RBFOX3: variants seen among roughly 807,000 people sequenced by gnomAD.
The protein encoded by RBFOX3 is RNA binding fox-1 homolog 3.
RBFOX3 carries 17 observed loss-of-function variants against 48.7 expected under a neutral mutation model. That is an observed-to-expected ratio of 0.35 (90% CI 0.24 to 0.52). The LOEUF (loss-of-function observed/expected upper bound fraction) is 0.52, where lower values mean the gene tolerates loss of function less well. Ranked by LOEUF, RBFOX3 falls within the 20% of genes least tolerant of loss-of-function variation. The pLI is 0.94. For synonymous variants in RBFOX3, 212 were observed against 209.5 expected, an observed-to-expected ratio of 1.01 and a Z score of -0.10; for missense variants, 382 against 497.5, an observed-to-expected ratio of 0.77 and a Z score of 2.21.
At position 79,289,595 on chromosome 17, in the gene RBFOX3, G is replaced by T. The variant is rs9898469; in HGVS notation, c.-74+18129C>A. Among the ~76,000 whole-genome samples, 433 of 152,236 alleles carry T rather than the reference G, an allele frequency of 2.8e-3. 2 individuals carry two copies. The highest frequency in any genetic ancestry group is 1.0e-2 in the African/African-American group (414 of 41,548). On this transcript the variant is annotated intron_variant, in intron 3 of 14. Coordinates refer to ENST00000693108, the MANE Select transcript of RBFOX3 (RefSeq NM_001350451.2). ...CAGGGACTGTGCTTTTTCCAGACAC[G>T]ATGTTAACTCTCTGGTCCTACTTCC... is the stretch of plus-strand genomic sequence containing the variant.
intron 1 of RBFOX3, among the ~76,000 whole-genome samples, chr17:79,567,148 G>A (rs1049955158): frequency 1.3e-5 from 2 of 149,102 alleles, no homozygotes; most frequent in African/African-American, 2.5e-5. Context: ...GTATGAGTGA[G>A]AACATGTGCT....
At chr17:79,270,170 C>T (rs901941972) in intron 3 of RBFOX3, among the ~76,000 whole-genome samples, 1 of 152,184 alleles carries the variant, frequency 6.6e-6, no homozygotes, top group Non-Finnish European at 1.5e-5. Context: ...ATGTCAGTTT[C>T]CATGGAGGAG....
At chr17:79,583,000 C>A (rs1223167858) in intron 1 of RBFOX3, among the ~76,000 whole-genome samples, 4 of 152,100 alleles carry the variant, frequency 2.6e-5, no homozygotes, top group Non-Finnish European at 5.9e-5. Flanking sequence ...ACAGATGTGC[C>A]ACATCATAGG....
intron 3 of RBFOX3, among the ~76,000 whole-genome samples, chr17:79,275,232 T>C (rs951699238): frequency 2.0e-5 from 3 of 148,514 alleles, no homozygotes; most frequent in African/African-American, 7.4e-5. Flanking sequence ...CTCACTAAAA[T>C]TTCCTCCCAG....
intron 5 of RBFOX3, among the ~76,000 whole-genome samples, chr17:79,108,920 C>T (rs977886579): frequency 1.1e-4 from 16 of 152,238 alleles, no homozygotes; most frequent in African/African-American, 3.1e-4. Flanking sequence ...GTGGAGCACA[C>T]GTGTCCACGT....
In RBFOX3 at chr17:79,227,472, G is replaced by C. The variant is rs568210811; in HGVS notation, c.-34+8294C>G. 2.0e-5 allele frequency among the ~76,000 whole-genome samples: 3 copies of C among 152,274 alleles called. No individual in the cohort carries two copies. The East Asian group carries it at 5.8e-4, about 29-fold the overall frequency. ...CAGGGGCTTTGTTTGGCTCCTTGTT[G>C]CATCTCAAGCATGTCATTTGTGCTC... is the stretch of plus-strand genomic sequence containing the variant. On this transcript the variant is annotated intron_variant, in intron 4 of 14. Coordinates refer to ENST00000693108, the MANE Select transcript of RBFOX3 (RefSeq NM_001350451.2).
intron 1 of RBFOX3, among the ~76,000 whole-genome samples, chr17:79,523,145 GT>G (rs2086349599): frequency 6.6e-6 from 1 of 151,782 alleles, no homozygotes; most frequent in Non-Finnish European, 1.5e-5. Flanking sequence ...GGGGCGGGTG[GT>G]TTGGGAGAAT....
intron 4 of RBFOX3, among the ~76,000 whole-genome samples, chr17:79,196,914 G>A (rs959510168): frequency 7.9e-5 from 12 of 152,170 alleles, no homozygotes; most frequent in Admixed American, 5.2e-4. Flanking sequence ...GGGGTGTGCC[G>A]TGGAAGTGTA....
At chr17:79,370,702 T>C (rs2058421998) in intron 2 of RBFOX3, among the ~76,000 whole-genome samples, 1 of 152,046 alleles carries the variant, frequency 6.6e-6, no homozygotes, top group Non-Finnish European at 1.5e-5. Context: ...CACCCTGAAA[T>C]GCACGGTCAC....
At chr17:79,161,345 C>T (rs1055772812) in intron 4 of RBFOX3, among the ~76,000 whole-genome samples, 7 of 152,172 alleles carry the variant, frequency 4.6e-5, no homozygotes, top group Non-Finnish European at 8.8e-5. Context: ...CCTCTGCTGC[C>T]AATGAACCCT....
chr17:79,480,927 C>T lies in RBFOX3; in HGVS notation c.-175+1527G>A, dbSNP rs2149479984. The stretch of plus-strand genomic sequence containing the variant: ...GAACTTGACCTTGTCTCCACTGCGT[C>T]TCCAGCACCCCAAACAGGGCTCAGC... On this transcript the variant is annotated intron_variant, in intron 2 of 14. Transcript: ENST00000693108. The surrounding 1 kb of genome is among the most constrained non-coding windows in gnomAD (Gnocchi z 4.8). Among the ~76,000 whole-genome samples, 1 of 152,326 alleles carries T rather than the reference C, an allele frequency of 6.6e-6. No homozygotes were observed. The highest frequency in any genetic ancestry group is 3.4e-3 in the Middle Eastern group (1 of 294).
chr17:79,230,151 G>A (rs1205129040), intron 4 of RBFOX3, among the ~76,000 whole-genome samples: 1 of 152,182 alleles, frequency 6.6e-6, no homozygotes, highest in African/African-American at 2.4e-5. Context: ...AGGCTGGTTG[G>A]GTTGCCGTCG....
At chr17:79,355,584 C>T (rs990044332) in intron 2 of RBFOX3, among the ~76,000 whole-genome samples, 2 of 146,824 alleles carry the variant, frequency 1.4e-5, no homozygotes, top group Non-Finnish European at 3.0e-5. Context: ...GAATTAATTG[C>T]TTTTTTTTTT....
chr17:79,649,600 G>A, the RBFOX3 span, among the ~76,000 whole-genome samples: 1 of 152,222 alleles, frequency 6.6e-6, no homozygotes, highest in Non-Finnish European at 1.5e-5. Context: ...CAGCTACTGG[G>A]GAGGCTGACG....
In RBFOX3 at chr17:79,103,115, G is replaced by A. The variant is rs751900853; in HGVS notation, c.507+47C>T. ...GTTGGTTGGGGGAGCTGGGGGGCAG[G>A]TGGGCGATCTTGGGGCATCCCTGCC... On this transcript the variant is annotated intron_variant, in intron 8 of 14. Transcript: ENST00000693108. The surrounding 1 kb of genome is among the most constrained non-coding windows in gnomAD (Gnocchi z 6.1). 1.4e-6 allele frequency: 2 copies of A among 1,407,930 alleles called. No individual in the cohort carries two copies. The highest frequency in any genetic ancestry group is 9.8e-7 in the Non-Finnish European group (1 of 1,017,548). 87.2% of individuals were successfully genotyped at this position (1,407,930 alleles called of 1,614,324 possible). A position where few individuals can be genotyped will look rare whatever the true frequency, so the allele number is the denominator to read the frequency against.
chr17:79,542,936 G>A (rs1555790772), intron 1 of RBFOX3, among the ~76,000 whole-genome samples: 1 of 152,132 alleles, frequency 6.6e-6, no homozygotes, highest in African/African-American at 2.4e-5. Flanking sequence ...CATGTGCTGG[G>A]TCTTGGAGTT....
chr17:79,286,155 G>C (rs78082496), intron 3 of RBFOX3, among the ~76,000 whole-genome samples: 3 of 152,092 alleles, frequency 2.0e-5, no homozygotes, highest in South Asian at 2.1e-4. Context: ...CTGCCTCTCC[G>C]AGCCCTTGTG....
chr17:79,581,647 C>T (rs1275117419), intron 1 of RBFOX3, among the ~76,000 whole-genome samples: 2 of 152,266 alleles, frequency 1.3e-5, no homozygotes, highest in Admixed American at 1.3e-4. Context: ...CGGGAGGTTT[C>T]CACTTGGTTT....
intron 2 of RBFOX3, among the ~76,000 whole-genome samples, chr17:79,459,437 T>A (rs1379398440): frequency 6.6e-6 from 1 of 152,162 alleles, no homozygotes; most frequent in Admixed American, 6.5e-5. Context: ...GAACCCAGTG[T>A]GACCAGATGG....
Sources: allele counts gnomAD v4.1 joint callset (sites outside exome capture counted in the v4.1 genomes callset), GRCh38; gene constraint gnomAD v4.1.1; non-coding constraint Gnocchi (gnomAD v3.1); transcripts MANE v1.5; gene names NCBI Gene and HGNC (gene_info 2026-07-23, HGNC 2026-07-21).